SGCZ: variants seen among roughly 807,000 people sequenced by gnomAD.
The protein encoded by SGCZ is sarcoglycan zeta, also known as zeta-sarcoglycan.
Under a neutral mutation model 41.3 loss-of-function variants are expected in SGCZ, and 40 were observed. The observed-to-expected ratio is 0.97, with a 90% CI of 0.75 to 1.26. SGCZ has a LOEUF of 1.26. Ranked by LOEUF, SGCZ falls within the 50% of genes most tolerant of loss-of-function variation. The probability of loss-of-function intolerance (pLI) is 0.00; values close to 1 mark genes in which losing one functional copy is unlikely to be tolerated. For synonymous variants in SGCZ, 206 were observed against 137.5 expected, an observed-to-expected ratio of 1.50 and a Z score of -3.49; for missense variants, 552 against 369.8, an observed-to-expected ratio of 1.49 and a Z score of -4.04.
intron 2 of SGCZ, among the ~76,000 whole-genome samples, chr8:14,453,697 A>C (rs1800662412): frequency 1.3e-5 from 2 of 152,196 alleles, no homozygotes; most frequent in Admixed American, 1.3e-4. Flanking sequence ...ATCCCTACAG[A>C]TTTTTCAGTT....
chr8:14,836,220 C>G (rs11988822), intron 1 of SGCZ, among the ~76,000 whole-genome samples: 97,123 of 151,964 alleles, frequency 0.64, 32,652 homozygotes, highest in African/African-American at 0.84. Context: ...TTTGTAACCA[C>G]ACAAATCTAT....
At chr8:14,479,745 TTTTTTTTTTTTTTTTTA>T (rs1801477130) in intron 2 of SGCZ, among the ~76,000 whole-genome samples, 1 of 102,022 alleles carries the variant, frequency 9.8e-6, no homozygotes, top group South Asian at 2.8e-4. Context: ...TTTTTTTTTT[TTTTTTTTTTTTTTTTTA>T]TTTGAGATGG....
At chr8:14,913,669 A>C (rs1027967421) in intron 1 of SGCZ, among the ~76,000 whole-genome samples, 9 of 152,066 alleles carry the variant, frequency 5.9e-5, no homozygotes, top group Non-Finnish European at 1.2e-4. Context: ...TATTTTATGC[A>C]ACTGTTATTT....
At chr8:14,863,032 T>G (rs1803807574) in intron 1 of SGCZ, among the ~76,000 whole-genome samples, 1 of 152,112 alleles carries the variant, frequency 6.6e-6, no homozygotes, top group Non-Finnish European at 1.5e-5. Flanking sequence ...TCATATTGAT[T>G]ACTGGGATGA....
At chr8:14,978,143 A>G (rs1459290000) in intron 1 of SGCZ, among the ~76,000 whole-genome samples, 1 of 151,868 alleles carries the variant, frequency 6.6e-6, no homozygotes, top group Non-Finnish European at 1.5e-5. Flanking sequence ...TGTTAGTTTC[A>G]AAAGATTATT....
intron 1 of SGCZ, among the ~76,000 whole-genome samples, chr8:14,624,346 G>A (rs1259288841): frequency 6.6e-6 from 1 of 151,878 alleles, no homozygotes; most frequent in Non-Finnish European, 1.5e-5. Context: ...GGCCAACTTA[G>A]TTATCATCAA....
chr8:14,543,516 AG>A (rs1304238408), intron 2 of SGCZ, among the ~76,000 whole-genome samples: 1 of 152,122 alleles, frequency 6.6e-6, no homozygotes, highest in African/African-American at 2.4e-5. Flanking sequence ...ACAAGTCACA[AG>A]GGCACAAAAA....
At chr8:15,107,775 T>A (rs920036260) in intron 1 of SGCZ, among the ~76,000 whole-genome samples, 1 of 152,214 alleles carries the variant, frequency 6.6e-6, no homozygotes, top group Admixed American at 6.5e-5. Flanking sequence ...TCTGAAATCA[T>A]TGGCCTAGCA....
chr8:15,025,159 T>G (rs1803409110), intron 1 of SGCZ, among the ~76,000 whole-genome samples: 1 of 152,084 alleles, frequency 6.6e-6, no homozygotes, highest in Non-Finnish European at 1.5e-5. Flanking sequence ...AAATTCATAG[T>G]CTATTCTAAG....
chr8:15,121,980 G>T (rs1363707718), intron 1 of SGCZ, among the ~76,000 whole-genome samples: 1 of 150,282 alleles, frequency 6.7e-6, no homozygotes, highest in African/African-American at 2.4e-5. Flanking sequence ...AAGGTATATT[G>T]ATGTGTAGGG....
intron 1 of SGCZ, among the ~76,000 whole-genome samples, chr8:14,557,549 T>C (rs1003098180): frequency 6.6e-6 from 1 of 152,144 alleles, no homozygotes; most frequent in Non-Finnish European, 1.5e-5. Context: ...AGAATTTTTA[T>C]AATTTCAGGT....
intron 4 of SGCZ, among the ~76,000 whole-genome samples, chr8:14,204,329 A>G (rs1386201150): frequency 6.7e-6 from 1 of 148,176 alleles, no homozygotes; most frequent in Non-Finnish European, 1.5e-5. Flanking sequence ...TCCCCTTTAT[A>G]CCAAATACCA....
chr8:14,133,244 G>A (rs1020059022), intron 5 of SGCZ, among the ~76,000 whole-genome samples: 4 of 152,104 alleles, frequency 2.6e-5, no homozygotes, highest in South Asian at 2.1e-4. Context: ...GATTCTGAAC[G>A]TCCCAATTTC....
intron 1 of SGCZ, among the ~76,000 whole-genome samples, chr8:14,677,255 T>A (rs1808306588): frequency 1.3e-5 from 2 of 151,704 alleles, no homozygotes; most frequent in South Asian, 2.1e-4. Context: ...TAGAAAAATA[T>A]AAAAGATATA....
rs1801596245 is a variant in SGCZ, at chr8:14,088,559, A to C, written c.*1884T>G. ...TCTTATATTAAATTCTCTTATTTTA[A>C]TATAAATTAAACTCTTGTGTTATAA... On this transcript the variant is annotated 3_prime_UTR_variant, in exon 8 of 8. Transcript: ENST00000382080. Among the ~76,000 whole-genome samples, 1 of 151,850 alleles carries C rather than the reference A, an allele frequency of 6.6e-6. No individual in the cohort carries two copies. Among genetic ancestry groups the C allele is most frequent in the South Asian group, 2.1e-4 (1 of 4,838 alleles).
Position 14,385,714 on chromosome 8 carries a change from A to C in SGCZ, c.235-61510T>G, listed in dbSNP as rs550868127. Among the ~76,000 whole-genome samples, 5 of 152,340 alleles carry C rather than the reference A, an allele frequency of 3.3e-5. No homozygotes were observed. In the East Asian group the frequency reaches 9.6e-4, roughly 29 times the overall value. On this transcript the variant is annotated intron_variant, in intron 2 of 7. Transcript: ENST00000382080. Reference sequence around the variant, plus strand: ...AAAGTAATACATTAAAGAAAGAAAAAAGAACAGAGAACAACCAACCAAACA... The same window carrying C: ...AAAGTAATACATTAAAGAAAGAAAACAGAACAGAGAACAACCAACCAAACA...
chr8:14,901,091 T>C (rs1798952621), intron 1 of SGCZ, among the ~76,000 whole-genome samples: 1 of 152,220 alleles, frequency 6.6e-6, no homozygotes, highest in Non-Finnish European at 1.5e-5. Flanking sequence ...CTTGAACTCC[T>C]GTTATTCTGA....
chr8:15,163,995 C>T (rs1029783357), intron 1 of SGCZ, among the ~76,000 whole-genome samples: 2 of 152,210 alleles, frequency 1.3e-5, no homozygotes, highest in Admixed American at 1.3e-4. Context: ...CTGCGTGGAA[C>T]CTGGCATTCC....
Position 14,088,076 on chromosome 8 carries a change from T to C in SGCZ, c.*2367A>G, listed in dbSNP as rs73213892. 0.096 allele frequency among the ~76,000 whole-genome samples: 14,512 copies of C among 151,864 alleles called. 803 individuals carry two copies. The highest frequency in any genetic ancestry group is 0.15 in the African/African-American group (6,106 of 41,502). On this transcript the variant is annotated 3_prime_UTR_variant, in exon 8 of 8. Coordinates refer to ENST00000382080, the MANE Select transcript of SGCZ (RefSeq NM_139167.4). Reference sequence around the variant, plus strand: ...TTTTTACATCTTTTTTTCTCACTTTTTTTTTCATCTTTTCTCCTCTTATGA... The same window carrying C: ...TTTTTACATCTTTTTTTCTCACTTTCTTTTTCATCTTTTCTCCTCTTATGA...
Sources: allele counts gnomAD v4.1 joint callset (sites outside exome capture counted in the v4.1 genomes callset), GRCh38; gene constraint gnomAD v4.1.1; transcripts MANE v1.5; gene names NCBI Gene and HGNC (gene_info 2026-07-23, HGNC 2026-07-21).